Variants in AFF2 observed in about 807,000 individuals in gnomAD.
AFF2 encodes AF4/FMR2 family member 2.
In AFF2, 14 loss-of-function variants were observed where a neutral mutation model predicts 76.9. That is an observed-to-expected ratio of 0.18 (90% CI 0.12 to 0.28). The LOEUF (loss-of-function observed/expected upper bound fraction) is 0.28. AFF2 is among the 10% of genes least tolerant of loss of function. The pLI is 1.00. For missense variants in AFF2, 868 were observed against 1,001.1 expected (o/e 0.87, Z 1.79); for synonymous variants, 398 against 366.7 (o/e 1.09, Z -0.98).
chrX:148,904,488 A>G, intron 9 of AFF2: 2 of 351,543 alleles, frequency 5.7e-6, no homozygotes, highest in Admixed American at 5.5e-5. Context: ...GTTTACATAA[A>G]TTAATATGTG....
intron 7 of AFF2, among the ~76,000 whole-genome samples, chrX:148,847,897 A>G (rs12841482): frequency 8.9e-6 from 1 of 112,088 alleles, no homozygotes; most frequent in Non-Finnish European, 1.9e-5. Flanking sequence ...AGCTAGAATA[A>G]CAGTCCTTCC....
chrX:148,549,870 A>G (rs2052970564), intron 1 of AFF2, among the ~76,000 whole-genome samples: 1 of 112,360 alleles, frequency 8.9e-6, no homozygotes, highest in African/African-American at 3.2e-5. Context: ...ACTCTTGGTT[A>G]TTAAAAACAA....
rs147156986 is a variant in AFF2 at position 148,626,331 on chromosome X, C to T, written c.48-25668C>T. ...CTGGTGCGAGTTCAGGTCTCTTCTT[C>T]ACTCCCTCCTCTACTCCCACCTTTG... On this transcript the variant is annotated intron_variant, in intron 1 of 20. Transcript: ENST00000370460. 3.0e-3 allele frequency among the ~76,000 whole-genome samples: 333 copies of T among 110,281 alleles called. 2 individuals carry two copies. In the East Asian group the frequency reaches 0.045, roughly 15 times the overall value.
At chrX:148,840,087 C>T (rs1267245842) in intron 5 of AFF2, among the ~76,000 whole-genome samples, 4 of 110,728 alleles carry the variant, frequency 3.6e-5, no homozygotes, top group African/African-American at 9.8e-5. Context: ...TTCTCATAGA[C>T]GATGAAAAAC....
At chrX:148,516,408 C>A (rs782553805) in intron 1 of AFF2, among the ~76,000 whole-genome samples, 5 of 111,331 alleles carry the variant, frequency 4.5e-5, no homozygotes, top group Non-Finnish European at 7.5e-5. Flanking sequence ...ATATGAGAAC[C>A]CCAAAAGATC....
intron 1 of AFF2, among the ~76,000 whole-genome samples, chrX:148,532,980 A>T (rs2052745988): frequency 2.7e-5 from 3 of 111,523 alleles, no homozygotes; most frequent in South Asian, 7.5e-4. Context: ...ATTTTTAGTG[A>T]TGTTTCATAG....
intron 4 of AFF2, among the ~76,000 whole-genome samples, chrX:148,816,397 T>C (rs1315938206): frequency 1.8e-5 from 2 of 111,626 alleles, no homozygotes; most frequent in African/African-American, 6.5e-5. Flanking sequence ...AACTCCATGA[T>C]TGATGTAACC....
At chrX:148,945,723 CTA>C (rs2124333878) in intron 9 of AFF2, among the ~76,000 whole-genome samples, 1 of 112,243 alleles carries the variant, frequency 8.9e-6, no homozygotes, top group African/African-American at 3.2e-5. Context: ...TCTTAAAAAC[CTA>C]TGTGATATAT....
chrX:148,500,694 G>GCCGCCGCCGCC lies in AFF2; in HGVS notation c.-404_-403insCCGCCGCCGCC, dbSNP rs2052334024. On this transcript the variant is annotated 5_prime_UTR_variant, in exon 1 of 21. Transcript: ENST00000370460. ...CCGCCGCCGCCGCCGCTGCCGCCCC[G>GCCGCCGCCGCC]GCTGCCGCGCCGCGCCGCTGCCTCT... 2.0e-5 allele frequency: 1 copy of GCCGCCGCCGCC among 51,123 alleles called. No individual in the cohort carries two copies. The allele number at this position is 51,123 out of a possible 1,213,427, so 4.2% of individuals were successfully genotyped here. A position where few individuals can be genotyped will look rare whatever the true frequency, so the allele number is the denominator to read the frequency against.
At chrX:148,504,675 C>G (rs1475524528) in intron 1 of AFF2, among the ~76,000 whole-genome samples, 1 of 113,276 alleles carries the variant, frequency 8.8e-6, no homozygotes, top group African/African-American at 3.2e-5. Context: ...CCCCCAGGGC[C>G]TGCCCCAGCA....
At chrX:148,985,177 G>T (rs192289979) in intron 19 of AFF2, among the ~76,000 whole-genome samples, 1 of 106,378 alleles carries the variant, frequency 9.4e-6, no homozygotes, top group African/African-American at 3.4e-5. Context: ...TAGAGACGGG[G>T]TTTCACCATG....
In AFF2 at chrX:148,500,691, C is replaced by CGCCGCCGCCGCCG. The variant is rs1557231602; in HGVS notation, c.-407_-406insGCCGCCGCCGCCG. On this transcript the variant is annotated 5_prime_UTR_variant, in exon 1 of 21. Transcript: ENST00000370460. ...CCGCCGCCGCCGCCGCCGCTGCCGC[C>CGCCGCCGCCGCCG]CCGGCTGCCGCGCCGCGCCGCTGCC... The CGCCGCCGCCGCCG allele has an allele frequency of 1.1e-5, 1 of 91,598 alleles. No homozygotes were observed. Among genetic ancestry groups the CGCCGCCGCCGCCG allele is most frequent in the Non-Finnish European group, 2.2e-5 (1 of 45,325 alleles). 7.5% of individuals were successfully genotyped at this position (91,598 alleles called of 1,213,427 possible). A position where few individuals can be genotyped will look rare whatever the true frequency, so the allele number is the denominator to read the frequency against.
At chrX:148,975,633 A>G (rs929407086) in intron 16 of AFF2, among the ~76,000 whole-genome samples, 5 of 111,640 alleles carry the variant, frequency 4.5e-5, no homozygotes, top group Non-Finnish European at 9.4e-5. Flanking sequence ...TTTTAAGAAG[A>G]CACATGCTGT....
chrX:148,660,252 G>A (rs2054290901), intron 2 of AFF2, among the ~76,000 whole-genome samples: 1 of 111,764 alleles, frequency 8.9e-6, no homozygotes, highest in Non-Finnish European at 1.9e-5. Flanking sequence ...TGCTGATAAT[G>A]AGGCCAAGAT....
At chrX:148,967,187 A>T (rs1292611915) in intron 14 of AFF2, 108 bp downstream of exon 14, 54 of 1,083,449 alleles carry the variant, frequency 5.0e-5, no homozygotes, top group Non-Finnish European at 6.5e-5. Flanking sequence ...AGACCTCAGC[A>T]TCAAATCCTA....
chrX:148,875,458 G>T (rs4843999), intron 7 of AFF2, among the ~76,000 whole-genome samples: 17 of 111,764 alleles, frequency 1.5e-4, no homozygotes, highest in Non-Finnish European at 2.8e-4. Context: ...GTTTAAATTG[G>T]AGTAATTATC....
intron 20 of AFF2, among the ~76,000 whole-genome samples, chrX:148,990,533 C>T (rs929877058): frequency 4.4e-5 from 5 of 112,535 alleles, no homozygotes; most frequent in Admixed American, 9.4e-5. Flanking sequence ...ACTCCAGTCG[C>T]GCTAGTTAGT....
intron 7 of AFF2, among the ~76,000 whole-genome samples, chrX:148,881,281 G>A (rs782684996): frequency 2.5e-4 from 28 of 111,704 alleles, no homozygotes; most frequent in Non-Finnish European, 2.4e-4. Context: ...AGTCTTACAC[G>A]CAAACTTCAG....
intron 1 of AFF2, among the ~76,000 whole-genome samples, chrX:148,588,498 C>T (rs888169411): frequency 8.9e-6 from 1 of 112,255 alleles, no homozygotes; most frequent in Non-Finnish European, 1.9e-5. Context: ...ATTGAGTTTG[C>T]GGAGTCGTTC....
Sources: gnomAD v4.1 joint callset for allele counts (sites outside exome capture counted in the v4.1 genomes callset) on GRCh38, gnomAD v4.1.1 for gene constraint, MANE v1.5 for transcripts, NCBI Gene and HGNC (gene_info 2026-07-23, HGNC 2026-07-21) for gene names.